Variants in ROBO1 observed in about 807,000 individuals in gnomAD.
ROBO1 encodes the protein roundabout homolog 1.
In ROBO1, 149 loss-of-function variants were observed where a neutral mutation model predicts 195.9. The observed-to-expected ratio is 0.76, with a 90% CI of 0.67 to 0.87. ROBO1 has a LOEUF of 0.87. ROBO1 is among the 40% of genes least tolerant of loss of function. The pLI is 0.00. For synonymous variants in ROBO1, 816 were observed against 733.2 expected, an observed-to-expected ratio of 1.11 and a Z score of -1.82; for missense variants, 1,933 against 2,068.3, an observed-to-expected ratio of 0.93 and a Z score of 1.27.
intron 3 of ROBO1, among the ~76,000 whole-genome samples, chr3:79,114,104 T>G (rs1242581034): frequency 2.6e-5 from 4 of 152,178 alleles, no homozygotes; most frequent in African/African-American, 9.6e-5. Context: ...CATGTAAGAC[T>G]TGCCTTGCCT....
At chr3:79,506,041 G>A (rs1940374194) in intron 2 of ROBO1, among the ~76,000 whole-genome samples, 2 of 151,996 alleles carry the variant, frequency 1.3e-5, no homozygotes, top group Admixed American at 6.6e-5. Context: ...AGCCTGGACT[G>A]GAAATACACC....
intron 1 of ROBO1, among the ~76,000 whole-genome samples, chr3:79,630,666 C>A (rs1945311610): frequency 6.6e-6 from 1 of 151,784 alleles, no homozygotes; most frequent in Admixed American, 6.6e-5. Context: ...TAAAAGGCAT[C>A]CAAATTATAA....
chr3:79,465,563 G>T (rs878968820), intron 2 of ROBO1, among the ~76,000 whole-genome samples: 10 of 152,066 alleles, frequency 6.6e-5, no homozygotes, highest in African/African-American at 2.4e-4. Context: ...AGTAATTTGG[G>T]ATTCATTTTA....
intron 2 of ROBO1, among the ~76,000 whole-genome samples, chr3:79,367,394 C>T (rs940339487): frequency 6.6e-6 from 1 of 152,140 alleles, no homozygotes; most frequent in Non-Finnish European, 1.5e-5. Flanking sequence ...TTCCCTGAAG[C>T]TTATCACCAA....
At chr3:78,900,018 C>T (rs571562583) in intron 4 of ROBO1, among the ~76,000 whole-genome samples, 1 of 152,238 alleles carries the variant, frequency 6.6e-6, no homozygotes, top group South Asian at 2.1e-4. Context: ...GTCAGAAAAG[C>T]CTTTGGGGCT....
At position 79,630,199 on chromosome 3, in the gene ROBO1, T is replaced by C. The variant is rs145385560; in HGVS notation, c.-50-40238A>G. Among the ~76,000 whole-genome samples, 5 of 152,134 alleles carry C rather than the reference T, an allele frequency of 3.3e-5. No individual in the cohort carries two copies. In the East Asian group the frequency reaches 9.7e-4, roughly 29 times the overall value. ...AGCAAGGGCACCAAAAGAAGAAAAC[T>C]ATAGGCCAATATCTCTGATGAAAAT... On this transcript the variant is annotated intron_variant, in intron 1 of 30. Transcript: ENST00000464233.
intron 2 of ROBO1, among the ~76,000 whole-genome samples, chr3:79,211,455 G>A (rs1268629130): frequency 6.6e-6 from 1 of 152,152 alleles, no homozygotes; most frequent in Non-Finnish European, 1.5e-5. Flanking sequence ...AGTTGTAAGA[G>A]AAGAGCTCTC....
chr3:79,712,013 A>T (rs928294370), intron 1 of ROBO1, among the ~76,000 whole-genome samples: 2 of 151,826 alleles, frequency 1.3e-5, no homozygotes, highest in African/African-American at 4.8e-5. Flanking sequence ...TGCTCCACAT[A>T]CCCAACTGGC....
chr3:79,170,818 A>G (rs139072396), intron 2 of ROBO1, among the ~76,000 whole-genome samples: 2,932 of 152,192 alleles, frequency 0.019, 52 homozygotes, highest in Middle Eastern at 0.024. Context: ...TTGACTCTTC[A>G]TCAACTTTAT....
chr3:78,870,882 AT>A (rs1327708459), intron 4 of ROBO1, among the ~76,000 whole-genome samples: 4 of 152,104 alleles, frequency 2.6e-5, no homozygotes, highest in African/African-American at 9.7e-5. Flanking sequence ...CCTCGATGAA[AT>A]TTTCTTTCCT....
intron 2 of ROBO1, among the ~76,000 whole-genome samples, chr3:79,537,715 T>A (rs1251395908): frequency 1.3e-5 from 2 of 151,434 alleles, no homozygotes; most frequent in Non-Finnish European, 2.9e-5. Flanking sequence ...GAGGGGAACA[T>A]CACACACGGG....
At chr3:79,559,689 CG>C (rs771933614) in intron 2 of ROBO1, among the ~76,000 whole-genome samples, 3 of 152,010 alleles carry the variant, frequency 2.0e-5, no homozygotes, top group Non-Finnish European at 2.9e-5. Context: ...GAGGTTGAGG[CG>C]GGCAGATTAC....
intron 2 of ROBO1, among the ~76,000 whole-genome samples, chr3:79,179,339 T>C (rs2081304413): frequency 6.6e-6 from 1 of 152,214 alleles, no homozygotes; most frequent in Non-Finnish European, 1.5e-5. Flanking sequence ...GCTAAGAGAA[T>C]TGACAAAAAC....
intron 3 of ROBO1, among the ~76,000 whole-genome samples, chr3:79,010,347 G>A (rs893644679): frequency 6.6e-6 from 1 of 152,040 alleles, no homozygotes; most frequent in Admixed American, 6.6e-5. Flanking sequence ...AGCTTAACTT[G>A]TTGAACCTCA....
At chr3:79,640,365 C>T (rs529968110) in intron 1 of ROBO1, among the ~76,000 whole-genome samples, 1 of 152,098 alleles carries the variant, frequency 6.6e-6, no homozygotes, top group South Asian at 2.1e-4. Context: ...CATGCTTTGC[C>T]TTCTGCCATG....
intron 1 of ROBO1, among the ~76,000 whole-genome samples, chr3:79,762,638 C>T (rs765124161): frequency 1.2e-4 from 4 of 34,428 alleles, no homozygotes; most frequent in East Asian, 7.8e-4. Flanking sequence ...ACACAAAAGC[C>T]GAGAGGAATG....
chr3:79,604,161 AG>A (rs1944417154), intron 1 of ROBO1, among the ~76,000 whole-genome samples: 1 of 151,882 alleles, frequency 6.6e-6, no homozygotes, highest in South Asian at 2.1e-4. Flanking sequence ...TTTGTCCTTG[AG>A]TTACTCCTAT....
chr3:78,621,113 C>G (rs1182474674), intron 26 of ROBO1, among the ~76,000 whole-genome samples: 2 of 151,578 alleles, frequency 1.3e-5, no homozygotes, highest in African/African-American at 4.9e-5. Flanking sequence ...TTTAAAGTGT[C>G]TGTGTGTGGC....
At chr3:78,863,502 G>A (rs1490503873) in intron 4 of ROBO1, among the ~76,000 whole-genome samples, 2 of 152,128 alleles carry the variant, frequency 1.3e-5, no homozygotes, top group East Asian at 1.9e-4. Flanking sequence ...AGGTTCTGCC[G>A]AGGGACTGTC....
Sources: allele counts gnomAD v4.1 joint callset (sites outside exome capture counted in the v4.1 genomes callset), GRCh38; gene constraint gnomAD v4.1.1; transcripts MANE v1.5; gene names NCBI Gene and HGNC (gene_info 2026-07-23, HGNC 2026-07-21).